The following ATL1 variants were observed in gnomAD, a reference collection of about 807,000 sequenced individuals.
ATL1 encodes the protein atlastin-1.
A neutral mutation model predicts 75.5 loss-of-function variants in ATL1; 31 were observed. That is an observed-to-expected ratio of 0.41 (90% confidence interval 0.31 to 0.55). ATL1 has a LOEUF of 0.55. Ranked by LOEUF, ATL1 falls within the 20% of genes least tolerant of loss-of-function variation. The probability of loss-of-function intolerance (pLI) is 0.27; values close to 1 mark genes in which losing one functional copy is unlikely to be tolerated. For synonymous variants in ATL1, 226 were observed against 233.3 expected (o/e 0.97, Z 0.28); for missense variants, 405 against 662.6 (o/e 0.61, Z 4.27).
chr14:50,551,621 T>C (rs2038703736), intron 1 of ATL1, among the ~76,000 whole-genome samples: 1 of 151,852 alleles, frequency 6.6e-6, no homozygotes, highest in Non-Finnish European at 1.5e-5. Context: ...ATGCAAAAAA[T>C]TGTAACAAAA....
intron 4 of ATL1, 33 bp downstream of exon 4, chr14:50,591,672 T>C (rs2039159914): frequency 6.7e-7 from 1 of 1,482,216 alleles, no homozygotes; most frequent in Non-Finnish European, 9.4e-7. Context: ...TGATGTTTCT[T>C]TAACTAAAAA....
In ATL1 at chr14:50,632,302, C is replaced by G. The variant is rs778692077; in HGVS notation, c.1640C>G (p.Ser547Trp). 5 of 1,613,216 alleles carry G rather than the reference C, an allele frequency of 3.1e-6. No individual in the cohort carries two copies. The South Asian group carries it at 4.4e-5, about 14-fold the overall frequency. Reference protein sequence around the residue: ...LYHQAFPTPKSESTEQSEKKK... With the variant: ...LYHQAFPTPKWESTEQSEKKK... ...CATCAAGCTTTCCCTACACCAAAGT[C>G]GGAATCTACTGAACAATCAGAAAAG... Residue 547 changes from serine (S) to tryptophan (W), a missense_variant, in exon 14 of 14, where the codon TCG becomes TGG. Coordinates refer to ENST00000358385, the MANE Select transcript of ATL1 (RefSeq NM_015915.5).
intron 13 of ATL1, among the ~76,000 whole-genome samples, chr14:50,631,852 T>TATG (rs148251634): frequency 1.5e-3 from 229 of 152,308 alleles, no homozygotes; most frequent in African/African-American, 5.0e-3. Context: ...GTAGCCTAGC[T>TATG]ATGCATAATA....
At chr14:50,612,931 C>T (rs924672701) in intron 6 of ATL1, among the ~76,000 whole-genome samples, 1 of 152,086 alleles carries the variant, frequency 6.6e-6, no homozygotes, top group Non-Finnish European at 1.5e-5. Flanking sequence ...AAGGAAGATT[C>T]CTAGGAACCT....
chr14:50,602,676 T>C (rs2039282033), intron 6 of ATL1, among the ~76,000 whole-genome samples: 3 of 152,108 alleles, frequency 2.0e-5, no homozygotes, highest in Admixed American at 1.3e-4. Flanking sequence ...TTCCTGAGCC[T>C]TGGTTCCTTT....
chr14:50,623,043 A>G, intron 10 of ATL1, 134 bp from the exon 11 acceptor site: 1 of 734,424 alleles, frequency 1.4e-6, no homozygotes, highest in South Asian at 1.6e-5. Flanking sequence ...AAATATTATA[A>G]CAGTTTTAAA....
chr14:50,553,027 G>T (rs924019013), intron 1 of ATL1, among the ~76,000 whole-genome samples: 6 of 152,144 alleles, frequency 3.9e-5, no homozygotes, highest in African/African-American at 1.2e-4. Context: ...AGGCATGGTG[G>T]CTCACGCCTG....
intron 1 of ATL1, among the ~76,000 whole-genome samples, chr14:50,577,617 T>C (rs1242603491): frequency 6.6e-6 from 1 of 152,186 alleles, no homozygotes; most frequent in Non-Finnish European, 1.5e-5. Context: ...ACATTTTCAT[T>C]AGCTCCCAAA....
rs955871176 is a variant in ATL1 at position 50,632,692 on chromosome 14, T to G, written c.*353T>G. The G allele has an allele frequency of 4.7e-6, 1 of 210,948 alleles. No homozygotes were observed. The highest frequency in any genetic ancestry group is 9.7e-6 in the Non-Finnish European group (1 of 103,420). The allele number at this position is 210,948 out of a possible 1,614,324, so 13.1% of individuals were successfully genotyped here. A position where few individuals can be genotyped will look rare whatever the true frequency, so the allele number is the denominator to read the frequency against. On this transcript the variant is annotated 3_prime_UTR_variant, in exon 14 of 14. Transcript: ENST00000358385. The stretch of plus-strand genomic sequence containing the variant: ...TATTCCACGTTTGGATATGCTCATT[T>G]AATTTCTACAGAAAAAATTTTAAAT...
intron 1 of ATL1, among the ~76,000 whole-genome samples, chr14:50,561,528 G>A (rs540859767): frequency 4.5e-4 from 69 of 152,264 alleles, no homozygotes; most frequent in African/African-American, 1.6e-3. Context: ...TGAGCGAGAG[G>A]CACAAATGTA....
chr14:50,628,704 GTATA>G, intron 12 of ATL1: 1 of 637,134 alleles, frequency 1.6e-6, no homozygotes, highest in Admixed American at 2.3e-5. Flanking sequence ...CAGTTTAGTA[GTATA>G]TATACTTTTT....
chr14:50,603,849 T>A (rs1467748227), intron 6 of ATL1, among the ~76,000 whole-genome samples: 1 of 152,170 alleles, frequency 6.6e-6, no homozygotes, highest in Non-Finnish European at 1.5e-5. Context: ...TTATCTACCC[T>A]ATCCCATGTT....
chr14:50,610,574 T>C (rs2039356344), intron 6 of ATL1, among the ~76,000 whole-genome samples: 2 of 152,238 alleles, frequency 1.3e-5, no homozygotes, highest in East Asian at 1.9e-4. Flanking sequence ...ATTTTTGATG[T>C]AGTGAATCCA....
In ATL1 at chr14:50,632,361, G is replaced by A. The variant is rs773350731; in HGVS notation, c.*22G>A. The A allele has an allele frequency of 6.9e-7, 1 of 1,449,334 alleles. No homozygotes were observed. Among genetic ancestry groups the A allele is most frequent in the Non-Finnish European group, 9.7e-7 (1 of 1,031,596 alleles). The allele number at this position is 1,449,334 out of a possible 1,614,324, so 89.8% of individuals were successfully genotyped here. ...GTAATGCAAATTTTAAGAAATACAG[G>A]TGCATGACCAATTGTCAATTAAATA... On this transcript the variant is annotated 3_prime_UTR_variant, in exon 14 of 14. Transcript: ENST00000358385.
At chr14:50,538,255 CCTT>C (rs1230593604) in intron 1 of ATL1, among the ~76,000 whole-genome samples, 3 of 152,220 alleles carry the variant, frequency 2.0e-5, no homozygotes, top group Admixed American at 1.3e-4. Flanking sequence ...ACTTGCTCCT[CCTT>C]GCCTTCTGCC....
intron 1 of ATL1, among the ~76,000 whole-genome samples, chr14:50,541,013 T>C (rs2038554054): frequency 6.6e-6 from 1 of 152,262 alleles, no homozygotes; most frequent in Non-Finnish European, 1.5e-5. Context: ...TAGTCATAGT[T>C]GTGGTTCCAC....
chr14:50,571,680 G>C (rs192319874), intron 1 of ATL1, among the ~76,000 whole-genome samples: 2 of 151,922 alleles, frequency 1.3e-5, no homozygotes, highest in African/African-American at 2.4e-5. Flanking sequence ...ATAAATCCAG[G>C]CTAGTCATGT....
intron 1 of ATL1, among the ~76,000 whole-genome samples, chr14:50,534,081 A>G (rs1373935722): frequency 6.6e-6 from 1 of 152,172 alleles, no homozygotes; most frequent in Admixed American, 6.5e-5. Context: ...CAAATGTTCT[A>G]TTGGTATCTT....
At chr14:50,587,743 T>A (rs1364384178) in intron 1 of ATL1, 88 bp from the exon 2 acceptor site, 1 of 1,542,828 alleles carries the variant, frequency 6.5e-7, no homozygotes, top group Non-Finnish European at 8.9e-7. Context: ...TATGCTCCTG[T>A]GTCGGATGTT....
Sources: gnomAD v4.1 joint callset for allele counts (sites outside exome capture counted in the v4.1 genomes callset) on GRCh38, gnomAD v4.1.1 for gene constraint, MANE v1.5 for transcripts, NCBI Gene and HGNC (gene_info 2026-07-23, HGNC 2026-07-21) for gene names.